The following TUSC3 variants were observed in gnomAD, a reference collection of about 807,000 sequenced individuals.
TUSC3 encodes the protein tumor suppressor candidate 3.
A neutral mutation model predicts 44.8 loss-of-function variants in TUSC3; 45 were observed. That is an observed-to-expected ratio of 1.00 (90% confidence interval 0.79 to 1.29). TUSC3 has a LOEUF of 1.29. Ranked by LOEUF, TUSC3 falls within the 50% of genes most tolerant of loss-of-function variation. The pLI, the probability that TUSC3 is intolerant of heterozygous loss-of-function variation, is 0.00. For missense variants in TUSC3, 519 were observed against 437.9 expected, an observed-to-expected ratio of 1.19 and a Z score of -1.65; for synonymous variants, 212 against 152.9, an observed-to-expected ratio of 1.39 and a Z score of -2.85.
At chr8:15,470,731 T>C (rs1019799094) in intron 1 of TUSC3, among the ~76,000 whole-genome samples, 8 of 152,000 alleles carry the variant, frequency 5.3e-5, no homozygotes, top group Non-Finnish European at 4.4e-5. Flanking sequence ...CTCAGTGGAG[T>C]TGGCATTTTC....
chr8:15,631,992 C>T (rs1805789396), intron 2 of TUSC3, among the ~76,000 whole-genome samples: 1 of 152,176 alleles, frequency 6.6e-6, no homozygotes, highest in Non-Finnish European at 1.5e-5. Context: ...CAGGTGTGAG[C>T]CACCGTACCC....
chr8:15,502,486 C>CTTGT (rs200527673), intron 2 of TUSC3, among the ~76,000 whole-genome samples: 2,789 of 152,028 alleles, frequency 0.018, 77 homozygotes, highest in African/African-American at 0.062. Flanking sequence ...TATATATTTT[C>CTTGT]TTGTTTGTTT....
intron 9 of TUSC3, among the ~76,000 whole-genome samples, chr8:15,754,200 G>A (rs1183622126): frequency 1.4e-4 from 21 of 152,046 alleles, no homozygotes. Flanking sequence ...ACTCCCGAAG[G>A]TATTTCCTGG....
chr8:15,802,979 A>T, the TUSC3 span, among the ~76,000 whole-genome samples: 1 of 152,242 alleles, frequency 6.6e-6, no homozygotes, highest in African/African-American at 2.4e-5. Flanking sequence ...GATTTATTTT[A>T]GGTAAACGTG....
chr8:15,499,829 C>A (rs933014607), intron 2 of TUSC3, among the ~76,000 whole-genome samples: 2 of 152,136 alleles, frequency 1.3e-5, no homozygotes, highest in Non-Finnish European at 2.9e-5. Flanking sequence ...GATTCTAAGA[C>A]TTCTCAGCTT....
chr8:15,750,850 G>C (rs1811667098), intron 9 of TUSC3, among the ~76,000 whole-genome samples: 1 of 152,118 alleles, frequency 6.6e-6, no homozygotes, highest in Non-Finnish European at 1.5e-5. Flanking sequence ...AAATATAGAT[G>C]AAACTCTTGT....
chr8:15,482,678 G>A (rs574153648), intron 1 of TUSC3, among the ~76,000 whole-genome samples: 1 of 152,282 alleles, frequency 6.6e-6, no homozygotes, highest in South Asian at 2.1e-4. Flanking sequence ...AAGTCTTACT[G>A]TGTTAGAAAT....
chr8:15,432,403 CTG>C (rs1362451554), intron 1 of TUSC3, among the ~76,000 whole-genome samples: 15 of 152,236 alleles, frequency 9.9e-5, no homozygotes, highest in Admixed American at 3.9e-4. Context: ...CATTTCCCAT[CTG>C]TTTTCACATT....
At chr8:15,504,482 T>C (rs907231188) in intron 2 of TUSC3, among the ~76,000 whole-genome samples, 25 of 150,176 alleles carry the variant, frequency 1.7e-4, no homozygotes, top group East Asian at 3.9e-4. Flanking sequence ...AGAAACATAT[T>C]TCTACTACTG....
chr8:15,715,466 G>A (rs1563186929), intron 6 of TUSC3, among the ~76,000 whole-genome samples: 1 of 152,140 alleles, frequency 6.6e-6, no homozygotes, highest in African/African-American at 2.4e-5. Flanking sequence ...AGCATGTACA[G>A]TGTGGATATG....
intron 1 of TUSC3, among the ~76,000 whole-genome samples, chr8:15,436,865 A>C (rs1799954116): frequency 6.6e-6 from 1 of 152,190 alleles, no homozygotes; most frequent in Admixed American, 6.5e-5. Context: ...AGTATAACCC[A>C]GGTATTTTGA....
the TUSC3 span, among the ~76,000 whole-genome samples, chr8:15,842,063 C>T: frequency 1.3e-5 from 2 of 152,082 alleles, no homozygotes; most frequent in African/African-American, 4.8e-5. Flanking sequence ...AGAATGTTAC[C>T]CACGTTTCTT....
At chr8:15,426,551 A>G (rs1799806782) in intron 1 of TUSC3, among the ~76,000 whole-genome samples, 1 of 152,212 alleles carries the variant, frequency 6.6e-6, no homozygotes, top group Non-Finnish European at 1.5e-5. Context: ...CCAGGTTCAT[A>G]CACCTTGTCA....
chr8:15,789,078 C>G, the TUSC3 span, among the ~76,000 whole-genome samples: 1 of 152,134 alleles, frequency 6.6e-6, no homozygotes, highest in Non-Finnish European at 1.5e-5. Flanking sequence ...GAATCCGTGT[C>G]GTCATTCAAG....
chr8:15,821,467 AT>A, the TUSC3 span, among the ~76,000 whole-genome samples: 2 of 147,150 alleles, frequency 1.4e-5, no homozygotes, highest in South Asian at 2.1e-4. Context: ...TTTCTTCAAG[AT>A]TTTTTTCTTT....
intron 6 of TUSC3, among the ~76,000 whole-genome samples, chr8:15,682,103 A>G (rs1473518512): frequency 1.3e-5 from 2 of 152,162 alleles, no homozygotes; most frequent in South Asian, 2.1e-4. Flanking sequence ...ATCTTCGAGT[A>G]TGTTTCATGT....
In TUSC3 at chr8:15,748,398, C is replaced by T; in HGVS notation, c.961C>T (p.Leu321=). 1 of 1,613,420 alleles carries T rather than the reference C, an allele frequency of 6.2e-7. No individual in the cohort carries two copies. The stretch of plus-strand genomic sequence containing the variant: ...AGTAATTTGCCTAGTGGGATTGGGC[C>T]TGGTGGTCTTCTTCTTCAGTTTTCT... ...RRIICLVGLG[L]VVFFFSFLLS... is the part of the protein sequence containing the mutation. The change falls in exon 9 of 11, where the codon CTG becomes TTG. Residue 321 remains leucine (L), a synonymous_variant. Transcript: ENST00000503731.
At chr8:15,770,282 A>G (rs112576689), downstream of TUSC3, among the ~76,000 whole-genome samples, 30,647 of 152,094 alleles carry the variant, frequency 0.2, 3,521 homozygotes, top group Admixed American at 0.35. Context: ...GAAGCTGGAA[A>G]CCATCCTCAG....
intron 1 of TUSC3, among the ~76,000 whole-genome samples, chr8:15,607,105 A>G (rs1243363667): frequency 6.6e-6 from 1 of 152,054 alleles, no homozygotes; most frequent in East Asian, 1.9e-4. Flanking sequence ...ATAATCCCAA[A>G]TGTTTTAAAA....
Sources: allele counts gnomAD v4.1 joint callset (sites outside exome capture counted in the v4.1 genomes callset), GRCh38; gene constraint gnomAD v4.1.1; transcripts MANE v1.5; gene names NCBI Gene and HGNC (gene_info 2026-07-23, HGNC 2026-07-21).